Variants in CLEC16A observed in about 807,000 individuals in gnomAD.
The protein encoded by CLEC16A is C-type lectin domain containing 16A.
CLEC16A carries 51 observed loss-of-function variants against 109.5 expected under a neutral mutation model. The observed-to-expected ratio is 0.47, with a 90% CI of 0.37 to 0.59. The LOEUF (loss-of-function observed/expected upper bound fraction) is 0.59. Ranked by LOEUF, CLEC16A falls within the 20% of genes least tolerant of loss-of-function variation. The pLI is 0.00. For synonymous variants in CLEC16A, 673 were observed against 564.2 expected, an observed-to-expected ratio of 1.19 and a Z score of -2.73; for missense variants, 1,339 against 1,394.0, an observed-to-expected ratio of 0.96 and a Z score of 0.63.
intron 19 of CLEC16A, among the ~76,000 whole-genome samples, chr16:11,117,036 A>C (rs115662913): frequency 0.01 from 1,541 of 152,318 alleles, 23 homozygotes; most frequent in African/African-American, 0.035. Flanking sequence ...CTTTGAAGCA[A>C]CATGGATGCA....
chr16:10,960,096 G>A (rs923086098), intron 2 of CLEC16A, among the ~76,000 whole-genome samples: 15 of 152,098 alleles, frequency 9.9e-5, no homozygotes, highest in South Asian at 2.1e-4. Context: ...AAATAGTTTC[G>A]AAGATAGTAT....
intron 22 of CLEC16A, among the ~76,000 whole-genome samples, chr16:11,139,646 G>A (rs1253063072): frequency 1.3e-5 from 2 of 152,188 alleles, no homozygotes; most frequent in African/African-American, 2.4e-5. Context: ...ACTCCCTGCT[G>A]TGAGCTCAGT....
intron 19 of CLEC16A, among the ~76,000 whole-genome samples, chr16:11,077,886 A>T (rs1567286352): frequency 6.6e-6 from 1 of 151,774 alleles, no homozygotes; most frequent in Non-Finnish European, 1.5e-5. Flanking sequence ...TGGGAGGCTG[A>T]GGCAGGCGGA....
At chr16:11,015,442 G>C (rs916664114) in intron 11 of CLEC16A, among the ~76,000 whole-genome samples, 1 of 152,164 alleles carries the variant, frequency 6.6e-6, no homozygotes, top group Non-Finnish European at 1.5e-5. Context: ...TCCAGGGTTG[G>C]ACCAGACGGT....
At chr16:11,100,121 A>G (rs2050829158) in intron 19 of CLEC16A, among the ~76,000 whole-genome samples, 3 of 152,110 alleles carry the variant, frequency 2.0e-5, no homozygotes, top group South Asian at 4.1e-4. Context: ...AATTCAATCC[A>G]TGGCTTCCTA....
In CLEC16A at chr16:11,027,801, G is replaced by A; in HGVS notation, c.1537+2880G>A. ...AAACTGCAGTATATTTTTGATCAAT[G>A]AAGTGGAAGCATGTGTTTTGTTGTT... On this transcript the variant is annotated intron_variant, in intron 13 of 23. Coordinates refer to ENST00000409790, the MANE Select transcript of CLEC16A (RefSeq NM_015226.3). 3 of 861,786 alleles carry A rather than the reference G, an allele frequency of 3.5e-6. No individual in the cohort carries two copies. The Admixed American group carries it at 6.0e-5, about 17-fold the overall frequency. The allele number at this position is 861,786 out of a possible 1,614,324, so 53.4% of individuals were successfully genotyped here.
intron 10 of CLEC16A, among the ~76,000 whole-genome samples, chr16:11,001,865 T>C (rs1259417373): frequency 1.3e-5 from 2 of 152,174 alleles, no homozygotes; most frequent in East Asian, 1.9e-4. Context: ...CTTTGACTTA[T>C]TGCTGATACT....
chr16:11,142,593 C>G (rs548123274), intron 22 of CLEC16A, among the ~76,000 whole-genome samples: 1 of 152,344 alleles, frequency 6.6e-6, no homozygotes, highest in African/African-American at 2.4e-5. Context: ...ACTGGTGCAG[C>G]CCAGGCACAG....
chr16:10,948,097 G>A (rs183205033), intron 1 of CLEC16A, among the ~76,000 whole-genome samples: 1 of 152,136 alleles, frequency 6.6e-6, no homozygotes, highest in Non-Finnish European at 1.5e-5. Flanking sequence ...GTTTCACCGT[G>A]TTAGCCAGGA....
intron 7 of CLEC16A, among the ~76,000 whole-genome samples, chr16:10,973,856 C>G (rs2042910960): frequency 6.9e-6 from 1 of 143,976 alleles, no homozygotes. Context: ...CAGGTATGAG[C>G]CATACATCCG....
At chr16:11,137,899 A>G (rs1369039162) in intron 22 of CLEC16A, among the ~76,000 whole-genome samples, 1 of 152,222 alleles carries the variant, frequency 6.6e-6, no homozygotes, top group African/African-American at 2.4e-5. Context: ...AAGAATGGGA[A>G]AAACCAACTG....
At chr16:11,079,106 T>C (rs528339119) in intron 19 of CLEC16A, among the ~76,000 whole-genome samples, 2 of 152,296 alleles carry the variant, frequency 1.3e-5, no homozygotes, top group Admixed American at 6.5e-5. Context: ...GCTCAGAAGG[T>C]AGCTGAACCC....
At chr16:11,167,281 G>A (rs1325410218) in intron 23 of CLEC16A, among the ~76,000 whole-genome samples, 1 of 152,190 alleles carries the variant, frequency 6.6e-6, no homozygotes, top group Non-Finnish European at 1.5e-5. Context: ...TGAGCCAGCA[G>A]GATGTTCTGT....
intron 17 of CLEC16A, chr16:11,048,563 T>C (rs1315407250): frequency 2.0e-5 from 3 of 152,238 alleles, no homozygotes; most frequent in Non-Finnish European, 4.4e-5. Flanking sequence ...TCGCAGCCCA[T>C]TCCCTAGGAA....
chr16:11,156,917 G>GCCCCCCCCCCCC (rs60216625), intron 22 of CLEC16A, among the ~76,000 whole-genome samples: 13 of 77,302 alleles, frequency 1.7e-4, no homozygotes, highest in African/African-American at 2.4e-4. Context: ...CCAAATGCCC[G>GCCCCCCCCCCCC]CCCCCCCCCC....
intron 13 of CLEC16A, among the ~76,000 whole-genome samples, chr16:11,038,674 G>A (rs1209076256): frequency 6.6e-6 from 1 of 152,128 alleles, no homozygotes; most frequent in Non-Finnish European, 1.5e-5. Context: ...AGGAAGAATT[G>A]TTGAATTTTC....
chr16:11,012,856 C>T (rs1353977668), intron 11 of CLEC16A, among the ~76,000 whole-genome samples: 4 of 152,114 alleles, frequency 2.6e-5, no homozygotes, highest in Non-Finnish European at 5.9e-5. Flanking sequence ...TTATCGTCTA[C>T]TTTATGAATT....
intron 11 of CLEC16A, among the ~76,000 whole-genome samples, chr16:11,012,415 G>A (rs2045477947): frequency 6.6e-6 from 1 of 151,994 alleles, no homozygotes; most frequent in South Asian, 2.1e-4. Context: ...CTAATACGGT[G>A]AAACCCTGTC....
intron 16 of CLEC16A, 119 bp from the exon 17 acceptor site, chr16:11,047,173 A>G: frequency 1.6e-6 from 1 of 608,314 alleles, no homozygotes; most frequent in Non-Finnish European, 2.6e-6. Context: ...GTGATTTACG[A>G]GAACTCACTA....
Sources: gnomAD v4.1 joint callset for allele counts (sites outside exome capture counted in the v4.1 genomes callset) on GRCh38, gnomAD v4.1.1 for gene constraint, MANE v1.5 for transcripts, NCBI Gene and HGNC (gene_info 2026-07-23, HGNC 2026-07-21) for gene names.